Variants in ASXL3 observed in about 807,000 individuals in gnomAD.
The protein encoded by ASXL3 is ASXL transcriptional regulator 3, also known as putative Polycomb group protein ASXL3.
Under a neutral mutation model 170.6 loss-of-function variants are expected in ASXL3, and 34 were observed. That is an observed-to-expected ratio of 0.20 (90% CI 0.15 to 0.27). The LOEUF is 0.27. Among genes scored for constraint, ASXL3 ranks in the 10% least tolerant of loss-of-function variants. The pLI, the probability that ASXL3 is intolerant of heterozygous loss-of-function variation, is 1.00. For synonymous variants in ASXL3, 1,002 were observed against 989.1 expected (o/e 1.01, Z -0.24); for missense variants, 2,592 against 2,695.3 (o/e 0.96, Z 0.85).
At chr18:33,624,677 A>T (rs1157376657) in intron 2 of ASXL3, among the ~76,000 whole-genome samples, 2 of 152,138 alleles carry the variant, frequency 1.3e-5, no homozygotes, top group Non-Finnish European at 2.9e-5. Context: ...CGTCATCCAA[A>T]TTTTGTTTGA....
chr18:33,743,221 A>G lies in ASXL3; in HGVS notation c.3373A>G (p.Lys1125Glu), dbSNP rs1276894984. 6.2e-7 allele frequency: 1 copy of G among 1,613,958 alleles called. No individual in the cohort carries two copies. Among genetic ancestry groups the G allele is most frequent in the South Asian group, 1.1e-5 (1 of 91,082 alleles). Residue 1125 changes from lysine (K) to glutamate (E), a missense_variant, in exon 12 of 12, where the codon AAA (lysine) becomes GAA (glutamate). By Grantham distance (56) the Lys-to-Glu change is moderately conservative (BLOSUM62 1). Around this residue, in one of 4 missense-constraint regions of ASXL3, gnomAD observed 2,246 missense variants for 2,219.6 expected, o/e 1.01. Transcript: ENST00000269197. The stretch of plus-strand genomic sequence containing the variant: ...TCGAGCCCATCTCTTCCAGACCTCT[A>G]AAGAGACCCGGTTGCCTCCTCCGCT... Reference protein sequence around the residue: ...QARAHLFQTSKETRLPPPLSS... With the variant: ...QARAHLFQTSEETRLPPPLSS...
intron 4 of ASXL3, among the ~76,000 whole-genome samples, chr18:33,661,308 T>C (rs1044805187): frequency 6.6e-6 from 1 of 152,102 alleles, no homozygotes. Context: ...AAATAGTACC[T>C]ACTGACTCCC....
chr18:33,683,125 A>AT lies in ASXL3; in HGVS notation c.716-273dup, dbSNP rs200278275. 0.025 allele frequency among the ~76,000 whole-genome samples: 3,818 copies of AT among 152,258 alleles called. 58 individuals are homozygous for AT. The highest frequency in any genetic ancestry group is 0.044 in the Middle Eastern group (13 of 294). ...GATTAATTGGAAGCTCACAATTAAA[A>AT]TTTTTTTATTGGAACCTGGTGCTAC... On this transcript the variant is annotated intron_variant, in intron 7 of 11. Transcript: ENST00000269197.
chr18:33,730,316 C>T (rs190752640), intron 8 of ASXL3, among the ~76,000 whole-genome samples: 26 of 152,192 alleles, frequency 1.7e-4, no homozygotes, highest in Admixed American at 2.6e-4. Context: ...AGTGATTCAC[C>T]GCTGGGAACC....
At chr18:33,679,360 A>G (rs1465768758) in intron 7 of ASXL3, among the ~76,000 whole-genome samples, 1 of 152,132 alleles carries the variant, frequency 6.6e-6, no homozygotes, top group African/African-American at 2.4e-5. Context: ...ACAGACACCT[A>G]CATACCCAAC....
At chr18:33,669,987 T>C (rs958514389) in intron 5 of ASXL3, among the ~76,000 whole-genome samples, 2 of 152,214 alleles carry the variant, frequency 1.3e-5, no homozygotes, top group Non-Finnish European at 2.9e-5. Context: ...AGTGCTCCCA[T>C]TTGGACAGAT....
At chr18:33,742,489 T>A (rs557038549) in intron 11 of ASXL3, among the ~76,000 whole-genome samples, 26 of 152,248 alleles carry the variant, frequency 1.7e-4, no homozygotes, top group Non-Finnish European at 2.8e-4. Context: ...ACAGACAAAC[T>A]CAAATAGAGT....
In ASXL3 at chr18:33,746,117, T is replaced by C. The variant is rs1373029074; in HGVS notation, c.6269T>C (p.Leu2090Ser). 11 of 1,613,750 alleles carry C rather than the reference T, an allele frequency of 6.8e-6. No homozygotes were observed. The highest frequency in any genetic ancestry group is 9.3e-6 in the Non-Finnish European group (11 of 1,179,868). Residue 2090 changes from leucine to serine, a missense_variant, in exon 12 of 12, where the codon TTA becomes TCA. Coordinates refer to ENST00000269197, the MANE Select transcript of ASXL3 (RefSeq NM_030632.3). ...GAACCTCTTTCTTTTGAGGAAGGTT[T>C]AAGCAGCAGCTGTGAACTGGGCATG... ...KSEPLSFEEG[L>S]SSSCELGMKQ...
chr18:33,659,112 T>C (rs1015700527), intron 4 of ASXL3, among the ~76,000 whole-genome samples: 1 of 152,068 alleles, frequency 6.6e-6, no homozygotes, highest in African/African-American at 2.4e-5. Context: ...TATGTAGCAG[T>C]TACCCTCAGG....
intron 1 of ASXL3, 70 bp from the exon 2 acceptor site, chr18:33,607,524 A>C (rs2065268136): frequency 8.1e-7 from 1 of 1,241,656 alleles, no homozygotes; most frequent in Admixed American, 2.1e-5. Flanking sequence ...CAGAGAATGC[A>C]TGATTCACAT....
intron 2 of ASXL3, among the ~76,000 whole-genome samples, chr18:33,625,180 T>C (rs1187975661): frequency 6.6e-6 from 1 of 152,184 alleles, no homozygotes; most frequent in South Asian, 2.1e-4. Flanking sequence ...TTAATAACTC[T>C]TTCTCTGAAC....
At chr18:33,735,703 G>A (rs1392615074) in intron 10 of ASXL3, among the ~76,000 whole-genome samples, 1 of 152,158 alleles carries the variant, frequency 6.6e-6, no homozygotes, top group Non-Finnish European at 1.5e-5. Flanking sequence ...GAAAGAAAAT[G>A]CGGGGAGCTC....
At chr18:33,580,807 T>C (rs2064985257) in intron 1 of ASXL3, among the ~76,000 whole-genome samples, 1 of 152,214 alleles carries the variant, frequency 6.6e-6, no homozygotes, top group South Asian at 2.1e-4. Context: ...ACCAGACATA[T>C]TGAACTAGTA....
chr18:33,586,928 A>T (rs565886156), intron 1 of ASXL3, among the ~76,000 whole-genome samples: 3 of 152,320 alleles, frequency 2.0e-5, no homozygotes, highest in Non-Finnish European at 4.4e-5. Context: ...CCCTAAGCAC[A>T]TGGTGTCCAG....
At chr18:33,670,562 A>T in intron 5 of ASXL3, 111 bp from the exon 6 acceptor site, 2 of 666,368 alleles carry the variant, frequency 3.0e-6, no homozygotes. Context: ...TGTGGAATTT[A>T]AGTCTCTTAA....
At chr18:33,722,109 C>T (rs1048158921) in intron 8 of ASXL3, among the ~76,000 whole-genome samples, 13 of 151,982 alleles carry the variant, frequency 8.6e-5, no homozygotes, top group Non-Finnish European at 1.6e-4. Flanking sequence ...CCAGCTGTCT[C>T]CCATTTCTCT....
chr18:33,653,262 C>T (rs1261322719), intron 4 of ASXL3, among the ~76,000 whole-genome samples: 3 of 151,972 alleles, frequency 2.0e-5, no homozygotes, highest in South Asian at 2.1e-4. Flanking sequence ...TGGAGAAAGA[C>T]GACACAGTGT....
chr18:33,594,914 C>T (rs1333824798), intron 1 of ASXL3, among the ~76,000 whole-genome samples: 1 of 151,960 alleles, frequency 6.6e-6, no homozygotes, highest in Non-Finnish European at 1.5e-5. Flanking sequence ...TTAATTACAT[C>T]ATAATTGAGT....
In ASXL3 at chr18:33,741,152, C is replaced by T. The variant is rs376203847; in HGVS notation, c.3039+709C>T. ...GATGAGCATTAAGTTCAATTAAAAA[C>T]TTACTATGCATTTTAATTTCCGAAG... On this transcript the variant is annotated intron_variant, in intron 11 of 11. Transcript: ENST00000269197. Among the ~76,000 whole-genome samples, 19 of 152,204 alleles carry T rather than the reference C, an allele frequency of 1.2e-4. No individual in the cohort carries two copies. In the East Asian group the frequency reaches 3.3e-3, roughly 26 times the overall value.
Sources: gnomAD v4.1 joint callset for allele counts (sites outside exome capture counted in the v4.1 genomes callset) on GRCh38, gnomAD v4.1.1 for gene constraint, gnomAD v4.1.1 regional missense constraint, MANE v1.5 for transcripts, NCBI Gene and HGNC (gene_info 2026-07-23, HGNC 2026-07-21) for gene names.